MRPS27: variants seen among roughly 807,000 people sequenced by gnomAD.
MRPS27 encodes the protein mitochondrial ribosomal protein S27.
A neutral mutation model predicts 48.9 loss-of-function variants in MRPS27; 43 were observed. The ratio of observed to expected loss-of-function variants is 0.88; its 90% CI spans 0.69 to 1.13. The LOEUF (loss-of-function observed/expected upper bound fraction) is 1.13, where lower values mean the gene tolerates loss of function less well. Among genes scored for constraint, MRPS27 ranks in the 50% most tolerant of loss-of-function variants. MRPS27 has a pLI of 0.00. For synonymous variants in MRPS27, 188 were observed against 171.9 expected (o/e 1.09, Z -0.73); for missense variants, 467 against 476.3 (o/e 0.98, Z 0.18).
chr5:72,269,610 G>A (rs745517587), intron 4 of MRPS27, among the ~76,000 whole-genome samples: 1 of 152,152 alleles, frequency 6.6e-6, no homozygotes, highest in Non-Finnish European at 1.5e-5. Context: ...TAAGAAATTA[G>A]TAAAATAAAG....
chr5:72,225,792 T>TTG (rs1446005275), intron 9 of MRPS27, among the ~76,000 whole-genome samples: 1 of 151,856 alleles, frequency 6.6e-6, no homozygotes, highest in East Asian at 1.9e-4. Context: ...TTTTTTTTTT[T>TTG]GGTAAGGAGG....
chr5:72,248,509 A>T (rs1021389569), intron 4 of MRPS27, among the ~76,000 whole-genome samples: 2 of 152,054 alleles, frequency 1.3e-5, no homozygotes, highest in Non-Finnish European at 2.9e-5. Context: ...GAGAAAATTT[A>T]AAAAGTGTCT....
intron 4 of MRPS27, among the ~76,000 whole-genome samples, chr5:72,250,774 T>C (rs1193488018): frequency 6.6e-6 from 1 of 152,140 alleles, no homozygotes; most frequent in Non-Finnish European, 1.5e-5. Context: ...TACTAAAATA[T>C]ATATTTTTAA....
At chr5:72,279,043 CCT>C (rs560861958) in intron 4 of MRPS27, among the ~76,000 whole-genome samples, 4 of 152,134 alleles carry the variant, frequency 2.6e-5, no homozygotes, top group Non-Finnish European at 5.9e-5. Flanking sequence ...CCATGCCCAT[CCT>C]CTTTTACTTC....
intron 4 of MRPS27, among the ~76,000 whole-genome samples, chr5:72,257,611 G>C (rs1236215026): frequency 1.3e-5 from 2 of 152,106 alleles, no homozygotes; most frequent in African/African-American, 4.8e-5. Context: ...AATAAGAATA[G>C]GATTTTTATG....
chr5:72,265,814 T>A (rs13173797), intron 4 of MRPS27, among the ~76,000 whole-genome samples: 2,347 of 152,310 alleles, frequency 0.015, 28 homozygotes, highest in Non-Finnish European at 0.026. Context: ...CTGTCTTAAT[T>A]GAAAAAGAAG....
chr5:72,235,830 T>C (rs1379932266), intron 5 of MRPS27, among the ~76,000 whole-genome samples: 1 of 152,168 alleles, frequency 6.6e-6, no homozygotes, highest in African/African-American at 2.4e-5. Context: ...ACCAGAGGAA[T>C]CTGAGAACAG....
chr5:72,250,495 T>G (rs1303085995), intron 4 of MRPS27, among the ~76,000 whole-genome samples: 6 of 152,174 alleles, frequency 3.9e-5, no homozygotes, highest in African/African-American at 1.4e-4. Flanking sequence ...GAGAGAGGAC[T>G]CGATGCCACT....
At position 72,221,158 on chromosome 5, in the gene MRPS27, A is replaced by G. The variant is rs1459976854; in HGVS notation, c.1006-10T>C. 1 of 1,612,388 alleles carries G rather than the reference A, an allele frequency of 6.2e-7. No individual in the cohort carries two copies. Among genetic ancestry groups the G allele is most frequent in the East Asian group, 2.2e-5 (1 of 44,874 alleles). The stretch of plus-strand genomic sequence containing the variant: ...GCTTAGAATGTAAGGCCTGTTGGAA[A>G]CAAATGGGAAAAATGAGAAGAAAGG... On this transcript the variant is annotated splice_polypyrimidine_tract_variant and intron_variant, in intron 10 of 10. Transcript: ENST00000261413.
Position 72,288,233 on chromosome 5 carries a change from A to C in MRPS27, c.281+7298T>G, listed in dbSNP as rs1057131169. Among the ~76,000 whole-genome samples the C allele has an allele frequency of 2.6e-3, 365 of 143,010 alleles. 1 individual carries two copies. Among genetic ancestry groups the C allele is most frequent in the African/African-American group, 9.1e-3 (351 of 38,574 alleles). 93.8% of individuals were successfully genotyped at this position (143,010 alleles called of 152,430 possible). ...TTCTTTTTTTTTTTTTTTGAGATGGAGTCTTGCTCTGTCGCCCAGGCTGGA... is the reference window on the plus strand; with the variant it reads ...TTCTTTTTTTTTTTTTTTGAGATGGCGTCTTGCTCTGTCGCCCAGGCTGGA... On this transcript the variant is annotated intron_variant, in intron 4 of 10. Coordinates refer to ENST00000261413, the MANE Select transcript of MRPS27 (RefSeq NM_015084.3).
At chr5:72,279,449 A>T (rs1372437822) in intron 4 of MRPS27, among the ~76,000 whole-genome samples, 1 of 152,150 alleles carries the variant, frequency 6.6e-6, no homozygotes, top group East Asian at 1.9e-4. Flanking sequence ...TAGAACTTTA[A>T]AATTTTAATG....
chr5:72,264,320 G>A (rs192656608), intron 4 of MRPS27, among the ~76,000 whole-genome samples: 180 of 152,212 alleles, frequency 1.2e-3, no homozygotes, highest in African/African-American at 4.1e-3. Context: ...GATAGTTATT[G>A]CATAACATTG....
At chr5:72,262,049 A>G (rs1472809760) in intron 4 of MRPS27, among the ~76,000 whole-genome samples, 2 of 152,216 alleles carry the variant, frequency 1.3e-5, no homozygotes, top group African/African-American at 4.8e-5. Flanking sequence ...CTTTCTAGTC[A>G]GCAAGTTCAA....
intron 4 of MRPS27, among the ~76,000 whole-genome samples, chr5:72,256,382 T>A (rs371988260): frequency 1.2e-3 from 180 of 152,262 alleles, no homozygotes; most frequent in African/African-American, 4.1e-3. Flanking sequence ...TTTAATGGAG[T>A]AGGTTGGAGA....
At chr5:72,222,344 C>T (rs1428651153) in intron 10 of MRPS27, 1 of 152,226 alleles carries the variant, frequency 6.6e-6, no homozygotes, top group Non-Finnish European at 1.5e-5. Context: ...TTTTTCTCAG[C>T]TTTGCTGTCA....
chr5:72,253,272 C>A (rs1013242476), intron 4 of MRPS27, among the ~76,000 whole-genome samples: 3 of 152,322 alleles, frequency 2.0e-5, no homozygotes, highest in African/African-American at 7.2e-5. Context: ...CTCTTCTACC[C>A]TTTACTGTCA....
intron 4 of MRPS27, among the ~76,000 whole-genome samples, chr5:72,239,291 T>A (rs1161423570): frequency 2.6e-5 from 4 of 152,308 alleles, no homozygotes; most frequent in African/African-American, 9.6e-5. Context: ...GAACAGGTTC[T>A]CTGCCAAAGT....
At chr5:72,320,060 A>C in intron 1 of MRPS27, 89 bp downstream of exon 1, 1 of 1,376,868 alleles carries the variant, frequency 7.3e-7, no homozygotes, top group Non-Finnish European at 1.0e-6. Context: ...ATCAGATTCC[A>C]GAAACGTTTC....
In MRPS27 at chr5:72,275,886, T is replaced by G. The variant is rs1006325579; in HGVS notation, c.281+19645A>C. On this transcript the variant is annotated intron_variant, in intron 4 of 10. Transcript: ENST00000261413. ...GGAGGGAAAGGGGAAGGGGTGTCTA[T>G]AGTGAACCAGAAAGTTAGTCCTCTT... Among the ~76,000 whole-genome samples, 6 of 151,876 alleles carry G rather than the reference T, an allele frequency of 4.0e-5. No individual in the cohort carries two copies. The South Asian group carries it at 1.2e-3, about 32-fold the overall frequency.
Sources: allele counts gnomAD v4.1 joint callset (sites outside exome capture counted in the v4.1 genomes callset), GRCh38; gene constraint gnomAD v4.1.1; transcripts MANE v1.5; gene names NCBI Gene and HGNC (gene_info 2026-07-23, HGNC 2026-07-21).